Variants in SSBP2 observed in about 807,000 individuals in gnomAD.
The protein encoded by SSBP2 is single-stranded DNA-binding protein 2.
In SSBP2, 17 loss-of-function variants were observed where a neutral mutation model predicts 61.8. That is an observed-to-expected ratio of 0.28 (90% CI 0.19 to 0.41). SSBP2 has a LOEUF of 0.41. SSBP2 is among the 10% of genes least tolerant of loss of function. SSBP2 has a pLI of 1.00. For synonymous variants in SSBP2, 139 were observed against 141.3 expected (o/e 0.98, Z 0.12); for missense variants, 310 against 458.7 (o/e 0.68, Z 2.96).
In SSBP2 at chr5:81,735,050, T is replaced by C. The variant is rs186837425; in HGVS notation, c.62+15931A>G. Among the ~76,000 whole-genome samples, 247 of 151,062 alleles carry C rather than the reference T, an allele frequency of 1.6e-3. 1 individual carries two copies. The highest frequency in any genetic ancestry group is 5.7e-3 in the African/African-American group (233 of 41,146). ...CTCCTCACTGCCGATTTTAAATGAA[T>C]ATTAAGCATGCTAAATTAATGATCA... On this transcript the variant is annotated intron_variant, in intron 1 of 16. Coordinates refer to ENST00000320672, the MANE Select transcript of SSBP2 (RefSeq NM_012446.5).
chr5:81,432,613 G>C (rs1057125126), intron 15 of SSBP2, among the ~76,000 whole-genome samples: 1 of 152,120 alleles, frequency 6.6e-6, no homozygotes, highest in African/African-American at 2.4e-5. Context: ...GGGTATGGTG[G>C]TGTGCGCCTG....
intron 4 of SSBP2, among the ~76,000 whole-genome samples, chr5:81,595,753 T>C (rs1743670028): frequency 6.6e-6 from 1 of 152,168 alleles, no homozygotes; most frequent in Non-Finnish European, 1.5e-5. Flanking sequence ...CATGATTATC[T>C]CAATAGATGC....
At chr5:81,482,578 C>T (rs927714377) in intron 6 of SSBP2, among the ~76,000 whole-genome samples, 1 of 152,184 alleles carries the variant, frequency 6.6e-6, no homozygotes, top group African/African-American at 2.4e-5. Context: ...GCCCGCCGCC[C>T]TCAGGCTTTT....
chr5:81,470,663 C>A (rs1019162235), intron 8 of SSBP2, among the ~76,000 whole-genome samples: 1 of 151,882 alleles, frequency 6.6e-6, no homozygotes, highest in Non-Finnish European at 1.5e-5. Flanking sequence ...ATGGAAGTAA[C>A]ATCTATGTTA....
rs1748255251 is a variant in SSBP2 at position 81,636,542 on chromosome 5, A to G, written c.197+15T>C. The G allele has an allele frequency of 6.2e-7, 1 of 1,604,428 alleles. No individual in the cohort carries two copies. Among genetic ancestry groups the G allele is most frequent in the South Asian group, 1.1e-5 (1 of 90,340 alleles). On this transcript the variant is annotated intron_variant, in intron 3 of 16. Transcript: ENST00000320672. Reference sequence around the variant, plus strand: ...GCATCATCAAGCCAGTAAAAATGGAATAAAGGATACTTACCACCACCAAGA... The same window carrying G: ...GCATCATCAAGCCAGTAAAAATGGAGTAAAGGATACTTACCACCACCAAGA...
intron 4 of SSBP2, among the ~76,000 whole-genome samples, chr5:81,565,446 T>C (rs950701540): frequency 6.6e-6 from 1 of 152,190 alleles, no homozygotes; most frequent in Non-Finnish European, 1.5e-5. Flanking sequence ...AAGGTAAGTT[T>C]TAAAAGTTCC....
intron 4 of SSBP2, among the ~76,000 whole-genome samples, chr5:81,561,892 G>A (rs1213494703): frequency 6.6e-6 from 1 of 152,042 alleles, no homozygotes; most frequent in Non-Finnish European, 1.5e-5. Context: ...TGATTTAAAT[G>A]TTAAGACCCT....
In SSBP2 at chr5:81,414,391, CAG is replaced by C. The variant is rs878918358; in HGVS notation, c.*6111_*6112del. On this transcript the variant is annotated 3_prime_UTR_variant, in exon 17 of 17. Coordinates refer to ENST00000320672, the MANE Select transcript of SSBP2 (RefSeq NM_012446.5). ...TACTAAGTTAACAGGGAAAATTTAA[CAG>C]AGGAAATTCTCCTTGGGACACTTAT... The C allele has an allele frequency of 6.6e-6, 1 of 152,082 alleles. No homozygotes were observed. The highest frequency in any genetic ancestry group is 1.5e-5 in the Non-Finnish European group (1 of 68,000). 9.4% of individuals were successfully genotyped at this position (152,082 alleles called of 1,614,324 possible). A position where few individuals can be genotyped will look rare whatever the true frequency, so the allele number is the denominator to read the frequency against.
intron 1 of SSBP2, among the ~76,000 whole-genome samples, chr5:81,685,940 G>A (rs1381687235): frequency 1.1e-4 from 17 of 152,250 alleles, no homozygotes; most frequent in Non-Finnish European, 5.9e-5. Context: ...TACATTAACT[G>A]GAATCTTCCT....
chr5:81,529,495 T>A (rs1297829446), intron 4 of SSBP2, among the ~76,000 whole-genome samples: 2 of 152,114 alleles, frequency 1.3e-5, no homozygotes, highest in Non-Finnish European at 1.5e-5. Context: ...GGCTCAACCG[T>A]CTTCATATTA....
intron 1 of SSBP2, among the ~76,000 whole-genome samples, chr5:81,690,902 G>A (rs1051457825): frequency 1.3e-5 from 2 of 151,974 alleles, no homozygotes; most frequent in African/African-American, 4.8e-5. Flanking sequence ...ACCAGAACTC[G>A]GTAACAAGAG....
chr5:81,455,084 T>C (rs922131199), intron 10 of SSBP2, among the ~76,000 whole-genome samples: 7 of 152,122 alleles, frequency 4.6e-5, no homozygotes, highest in Non-Finnish European at 8.8e-5. Context: ...TTATAACGTG[T>C]TAAGTATAAG....
chr5:81,592,220 C>T (rs927961920), intron 4 of SSBP2, among the ~76,000 whole-genome samples: 1 of 152,236 alleles, frequency 6.6e-6, no homozygotes, highest in Non-Finnish European at 1.5e-5. Context: ...CCTACGCCCA[C>T]AGAGTCTCGC....
At chr5:81,576,890 T>C (rs1204674893) in intron 4 of SSBP2, among the ~76,000 whole-genome samples, 1 of 152,032 alleles carries the variant, frequency 6.6e-6, no homozygotes, top group African/African-American at 2.4e-5. Flanking sequence ...AAAAAACTAT[T>C]TGAAAAAAGT....
chr5:81,540,162 T>G (rs1340419561), intron 4 of SSBP2, among the ~76,000 whole-genome samples: 1 of 152,194 alleles, frequency 6.6e-6, no homozygotes, highest in African/African-American at 2.4e-5. Flanking sequence ...TTTGGGTTGG[T>G]TCCAAGTCTT....
chr5:81,534,752 A>T (rs1011703998), intron 4 of SSBP2, among the ~76,000 whole-genome samples: 1 of 152,106 alleles, frequency 6.6e-6, no homozygotes, highest in Non-Finnish European at 1.5e-5. Context: ...TAATGGAGAT[A>T]CAACAAGAAT....
chr5:81,572,402 T>G (rs1773904942), intron 4 of SSBP2, among the ~76,000 whole-genome samples: 1 of 152,110 alleles, frequency 6.6e-6, no homozygotes, highest in Non-Finnish European at 1.5e-5. Flanking sequence ...AATTAAGAAC[T>G]ACATCATGGA....
intron 4 of SSBP2, among the ~76,000 whole-genome samples, chr5:81,576,623 A>G (rs1010557861): frequency 5.3e-5 from 8 of 152,102 alleles, no homozygotes; most frequent in Admixed American, 3.9e-4. Flanking sequence ...TAGATGTCTG[A>G]CCTTCACATT....
intron 12 of SSBP2, among the ~76,000 whole-genome samples, chr5:81,444,608 A>G (rs1374569389): frequency 6.6e-6 from 1 of 152,194 alleles, no homozygotes; most frequent in Non-Finnish European, 1.5e-5. Flanking sequence ...TAACTGTTGG[A>G]ATAAACTCAA....
Sources: allele counts gnomAD v4.1 joint callset (sites outside exome capture counted in the v4.1 genomes callset), GRCh38; gene constraint gnomAD v4.1.1; transcripts MANE v1.5; gene names NCBI Gene and HGNC (gene_info 2026-07-23, HGNC 2026-07-21).